The following CREB5 variants were observed in gnomAD, a reference collection of about 807,000 sequenced individuals.
CREB5 encodes cyclic AMP-responsive element-binding protein 5.
Under a neutral mutation model 57.1 loss-of-function variants are expected in CREB5, and 19 were observed. The ratio of observed to expected loss-of-function variants is 0.33; its 90% CI spans 0.23 to 0.49. The LOEUF (loss-of-function observed/expected upper bound fraction) is 0.49, where lower values mean the gene tolerates loss of function less well. Ranked by LOEUF, CREB5 falls within the 20% of genes least tolerant of loss-of-function variation. The probability of loss-of-function intolerance (pLI) is 0.99; values close to 1 mark genes in which losing one functional copy is unlikely to be tolerated. For synonymous variants in CREB5, 238 were observed against 238.3 expected, an observed-to-expected ratio of 1.00 and a Z score of 0.01; for missense variants, 579 against 671.6, an observed-to-expected ratio of 0.86 and a Z score of 1.52.
At chr7:28,740,711 G>T (rs1804279745) in intron 7 of CREB5, among the ~76,000 whole-genome samples, 1 of 152,178 alleles carries the variant, frequency 6.6e-6, no homozygotes, top group African/African-American at 2.4e-5. Context: ...GGTAACCAAG[G>T]CTTGCGTCTT....
At chr7:28,308,513 G>C (rs1256320783) in intron 1 of CREB5, among the ~76,000 whole-genome samples, 2 of 152,188 alleles carry the variant, frequency 1.3e-5, no homozygotes, top group Non-Finnish European at 2.9e-5. Flanking sequence ...GATGCAAAAA[G>C]GTGAAGTAAC....
chr7:28,511,480 G>A (rs1424147403), intron 4 of CREB5, among the ~76,000 whole-genome samples: 10 of 152,070 alleles, frequency 6.6e-5, no homozygotes, highest in Non-Finnish European at 1.5e-4. Flanking sequence ...GGAAACTATA[G>A]GACAATTTTT....
chr7:28,322,442 G>C (rs1785510121), intron 1 of CREB5, among the ~76,000 whole-genome samples: 1 of 151,990 alleles, frequency 6.6e-6, no homozygotes, highest in African/African-American at 2.4e-5. Context: ...TATTTTAAAA[G>C]TTTTACTTTA....
At chr7:28,467,419 A>G (rs1370036350) in intron 1 of CREB5, among the ~76,000 whole-genome samples, 1 of 152,198 alleles carries the variant, frequency 6.6e-6, no homozygotes, top group Non-Finnish European at 1.5e-5. Flanking sequence ...TTTTGCATGC[A>G]GAGAAAGAAA....
At chr7:28,514,280 G>A (rs1343536853) in intron 4 of CREB5, among the ~76,000 whole-genome samples, 1 of 152,348 alleles carries the variant, frequency 6.6e-6, no homozygotes. Context: ...GTGAAGGGGG[G>A]AGGTGGTTGT....
intron 5 of CREB5, among the ~76,000 whole-genome samples, chr7:28,573,339 A>G (rs1200558939): frequency 6.6e-6 from 1 of 152,162 alleles, no homozygotes; most frequent in Non-Finnish European, 1.5e-5. Context: ...AACCTCAAAT[A>G]TTTAAGTGTC....
At chr7:28,470,354 C>T (rs1790754393) in intron 1 of CREB5, among the ~76,000 whole-genome samples, 1 of 152,154 alleles carries the variant, frequency 6.6e-6, no homozygotes, top group Non-Finnish European at 1.5e-5. Context: ...GCTTATTTTA[C>T]TTAACATAGT....
At chr7:28,522,316 A>G (rs1013767841) in intron 4 of CREB5, among the ~76,000 whole-genome samples, 2 of 152,012 alleles carry the variant, frequency 1.3e-5, no homozygotes, top group African/African-American at 2.4e-5. Context: ...AAGCTTTTGC[A>G]GAACATCAAG....
chr7:28,530,307 T>C (rs995791799), intron 4 of CREB5, among the ~76,000 whole-genome samples: 4 of 152,186 alleles, frequency 2.6e-5, no homozygotes, highest in African/African-American at 9.6e-5. Flanking sequence ...GACATGCTGC[T>C]GTGTGCAGCT....
chr7:28,718,563 A>G (rs1218961190), intron 5 of CREB5, among the ~76,000 whole-genome samples, 190 bp from the exon 6 acceptor site: 7 of 152,208 alleles, frequency 4.6e-5, no homozygotes, highest in Non-Finnish European at 1.0e-4. Flanking sequence ...ATTAACTAGG[A>G]AGCAGCAAAG....
At chr7:28,595,576 C>T (rs1417193690) in intron 5 of CREB5, among the ~76,000 whole-genome samples, 2 of 152,144 alleles carry the variant, frequency 1.3e-5, no homozygotes, top group African/African-American at 4.8e-5. Flanking sequence ...CCCCACTGTG[C>T]AACTAAACAG....
chr7:28,449,239 A>G (rs761508583), intron 1 of CREB5, among the ~76,000 whole-genome samples: 1 of 152,202 alleles, frequency 6.6e-6, no homozygotes, highest in Non-Finnish European at 1.5e-5. Context: ...TTTGGAAGTT[A>G]CTGCTAAACT....
chr7:28,777,697 T>G (rs1438583897), intron 7 of CREB5, among the ~76,000 whole-genome samples: 1 of 152,214 alleles, frequency 6.6e-6, no homozygotes. Flanking sequence ...GGCTCTTCTT[T>G]ACTGCATAAA....
At chr7:28,540,671 G>A (rs1794168345) in intron 4 of CREB5, among the ~76,000 whole-genome samples, 1 of 152,114 alleles carries the variant, frequency 6.6e-6, no homozygotes, top group Admixed American at 6.5e-5. Flanking sequence ...CTCTTTTTCT[G>A]TTCTGGCATA....
At chr7:28,672,188 A>ACACACAC (rs58150386) in intron 5 of CREB5, among the ~76,000 whole-genome samples, 42 of 147,078 alleles carry the variant, frequency 2.9e-4, no homozygotes, top group South Asian at 8.6e-4. Context: ...AAAAAAAAAA[A>ACACACAC]ACACACACAC....
chr7:28,599,218 AG>A (rs1273299660), intron 5 of CREB5, among the ~76,000 whole-genome samples: 1 of 152,118 alleles, frequency 6.6e-6, no homozygotes, highest in Non-Finnish European at 1.5e-5. Flanking sequence ...ACATATATAC[AG>A]GATATATATA....
At chr7:28,360,331 T>C (rs187956246) in intron 1 of CREB5, among the ~76,000 whole-genome samples, 1 of 152,294 alleles carries the variant, frequency 6.6e-6, no homozygotes, top group East Asian at 1.9e-4. Context: ...TTTACATCAG[T>C]GAATGAATAG....
intron 5 of CREB5, among the ~76,000 whole-genome samples, chr7:28,674,470 T>C (rs1008495576): frequency 2.6e-5 from 4 of 152,210 alleles, no homozygotes; most frequent in African/African-American, 7.2e-5. Context: ...GCCCACCTCT[T>C]ACTGTGAGAG....
At chr7:28,315,868 C>T (rs906979380) in intron 1 of CREB5, among the ~76,000 whole-genome samples, 3 of 152,154 alleles carry the variant, frequency 2.0e-5, no homozygotes, top group East Asian at 1.9e-4. Context: ...AGGACTGGCT[C>T]ACTGGCTGGC....
Sources: gnomAD v4.1 joint callset for allele counts (sites outside exome capture counted in the v4.1 genomes callset) on GRCh38, gnomAD v4.1.1 for gene constraint, MANE v1.5 for transcripts, NCBI Gene and HGNC (gene_info 2026-07-23, HGNC 2026-07-21) for gene names.